Variants in DLGAP2 observed in about 807,000 individuals in gnomAD.
DLGAP2 encodes DLG associated protein 2, also known as disks large-associated protein 2.
Under a neutral mutation model 100.3 loss-of-function variants are expected in DLGAP2, and 26 were observed. The ratio of observed to expected loss-of-function variants is 0.26; its 90% confidence interval spans 0.19 to 0.36. The LOEUF (loss-of-function observed/expected upper bound fraction) is 0.36, where lower values mean the gene tolerates loss of function less well. Among genes scored for constraint, DLGAP2 ranks in the 10% least tolerant of loss-of-function variants. The pLI, the probability that DLGAP2 is intolerant of heterozygous loss-of-function variation, is 1.00. For missense variants in DLGAP2, 1,858 were observed against 1,453.2 expected (o/e 1.28, Z -4.53); for synonymous variants, 886 against 630.1 (o/e 1.41, Z -6.08).
intron 3 of DLGAP2, among the ~76,000 whole-genome samples, chr8:1,340,999 G>A (rs1801404282): frequency 6.6e-6 from 1 of 152,140 alleles, no homozygotes; most frequent in Non-Finnish European, 1.5e-5. Context: ...ACCAAATACT[G>A]CATGTTCTCA....
chr8:758,832 A>T (rs1320486322), intron 1 of DLGAP2, among the ~76,000 whole-genome samples: 8 of 152,072 alleles, frequency 5.3e-5, no homozygotes, highest in African/African-American at 1.7e-4. Flanking sequence ...AAGTGCTGAG[A>T]TTACAGATGT....
chr8:1,684,722 T>G (rs1799067659), intron 12 of DLGAP2, among the ~76,000 whole-genome samples: 1 of 130,748 alleles, frequency 7.6e-6, no homozygotes, highest in Non-Finnish European at 1.6e-5. Context: ...TAGTAATGTT[T>G]TAAGATTTTT....
In DLGAP2 at chr8:1,670,297, C is replaced by T. The variant is rs561007194; in HGVS notation, c.2202+513C>T. On this transcript the variant is annotated intron_variant, in intron 10 of 14. Coordinates refer to ENST00000637795, the MANE Select transcript of DLGAP2 (RefSeq NM_001346810.2). ...TAAGTCAGCACGCTCGGCACAGTGC[C>T]GCCGCTTCCTGCCCCGCCCACAGCC... Among the ~76,000 whole-genome samples, 6 of 152,338 alleles carry T rather than the reference C, an allele frequency of 3.9e-5. No homozygotes were observed. In the South Asian group the frequency reaches 8.3e-4, roughly 21 times the overall value.
chr8:1,408,741 G>T, intron 3 of DLGAP2, among the ~76,000 whole-genome samples: 1 of 152,252 alleles, frequency 6.6e-6, no homozygotes, highest in Non-Finnish European at 1.5e-5. Context: ...AGCAGAACCC[G>T]GGAAAGCCAG....
At chr8:1,073,496 G>C (rs948135795) in intron 2 of DLGAP2, among the ~76,000 whole-genome samples, 1 of 152,134 alleles carries the variant, frequency 6.6e-6, no homozygotes, top group Non-Finnish European at 1.5e-5. Context: ...CCTGAGCTCA[G>C]AATTTAAAAG....
At chr8:1,690,114 G>A (rs916592927) in intron 12 of DLGAP2, among the ~76,000 whole-genome samples, 14 of 151,360 alleles carry the variant, frequency 9.2e-5, no homozygotes, top group African/African-American at 2.9e-4. Flanking sequence ...CCTTGGCCTT[G>A]GGAGGCCAAG....
chr8:1,328,060 G>A (rs1801062664), intron 3 of DLGAP2, among the ~76,000 whole-genome samples: 1 of 151,704 alleles, frequency 6.6e-6, no homozygotes, highest in Non-Finnish European at 1.5e-5. Flanking sequence ...TTTTTTTGGA[G>A]ACAGAGTCTC....
At chr8:1,586,695 C>G (rs542681412) in intron 6 of DLGAP2, among the ~76,000 whole-genome samples, 7 of 152,212 alleles carry the variant, frequency 4.6e-5, no homozygotes, top group African/African-American at 1.7e-4. Context: ...GTGGCGGACT[C>G]TAGGCCCAGA....
chr8:755,606 C>T lies in DLGAP2; in HGVS notation c.18+17781C>T, dbSNP rs34587862. On this transcript the variant is annotated intron_variant, in intron 1 of 14. Coordinates refer to ENST00000637795, the MANE Select transcript of DLGAP2 (RefSeq NM_001346810.2). ...GTGAGGTCTGGTGCGTGAGTAGGAA[C>T]GAGGGGCAGGTGGGGGTGAATGTAT... Among the ~76,000 whole-genome samples, 732 of 152,188 alleles carry T rather than the reference C, an allele frequency of 4.8e-3. 3 individuals are homozygous for T. Among genetic ancestry groups the T allele is most frequent in the Non-Finnish European group, 8.2e-3 (555 of 68,012 alleles).
intron 2 of DLGAP2, among the ~76,000 whole-genome samples, chr8:966,605 C>A (rs923544965): frequency 3.9e-5 from 6 of 152,120 alleles, no homozygotes; most frequent in Non-Finnish European, 8.8e-5. Flanking sequence ...TTAGTTTATG[C>A]TATGCACACT....
intron 2 of DLGAP2, among the ~76,000 whole-genome samples, chr8:994,101 AG>A (rs1800715048): frequency 6.6e-6 from 1 of 152,234 alleles, no homozygotes; most frequent in Non-Finnish European, 1.5e-5. Context: ...TTTTCGTATT[AG>A]AAATCGCCAC....
At chr8:1,433,544 A>G (rs1352382324) in intron 3 of DLGAP2, among the ~76,000 whole-genome samples, 1 of 152,192 alleles carries the variant, frequency 6.6e-6, no homozygotes, top group Non-Finnish European at 1.5e-5. Context: ...TAGGTCCTCG[A>G]GCTGGATGAC....
Position 1,110,927 on chromosome 8 carries a change from G to A in DLGAP2, c.74-147924G>A, listed in dbSNP as rs71516153. ...TGGATGGTGCTTTTGGGGGTTTGGG[G>A]TCAGGGAGTGTGAGGGTTGGTTCCT... is the stretch of plus-strand genomic sequence containing the variant. On this transcript the variant is annotated intron_variant, in intron 2 of 14. Coordinates refer to ENST00000637795, the MANE Select transcript of DLGAP2 (RefSeq NM_001346810.2). Among the ~76,000 whole-genome samples, 1,330 of 152,124 alleles carry A rather than the reference G, an allele frequency of 8.7e-3. 15 individuals carry two copies. The highest frequency in any genetic ancestry group is 0.01 in the Middle Eastern group (3 of 292).
At chr8:1,183,818 C>T (rs1343289098) in intron 2 of DLGAP2, among the ~76,000 whole-genome samples, 1 of 152,220 alleles carries the variant, frequency 6.6e-6, no homozygotes, top group Non-Finnish European at 1.5e-5. Flanking sequence ...CCTTTGCAAG[C>T]CTTCAGGCAG....
intron 2 of DLGAP2, among the ~76,000 whole-genome samples, chr8:1,167,964 C>T (rs1007082833): frequency 5.3e-5 from 8 of 151,776 alleles, no homozygotes; most frequent in Non-Finnish European, 1.0e-4. Flanking sequence ...ATGTGCCATG[C>T]TGGTGTGCTG....
intron 6 of DLGAP2, among the ~76,000 whole-genome samples, chr8:1,622,856 G>A (rs1015062313): frequency 9.2e-5 from 14 of 152,202 alleles, no homozygotes; most frequent in African/African-American, 3.1e-4. Context: ...GCCCCGGGAT[G>A]TAGGAGGGGG....
intron 3 of DLGAP2, among the ~76,000 whole-genome samples, chr8:1,370,552 A>G (rs1186501606): frequency 6.6e-6 from 1 of 152,268 alleles, no homozygotes; most frequent in Non-Finnish European, 1.5e-5. Context: ...TGCTTAAAAT[A>G]AAATGCTGAA....
At chr8:812,652 TA>T (rs1380326250) in intron 1 of DLGAP2, among the ~76,000 whole-genome samples, 6 of 152,198 alleles carry the variant, frequency 3.9e-5, no homozygotes, top group African/African-American at 1.4e-4. Context: ...ACTAATCAAA[TA>T]GATGAAATTA....
intron 2 of DLGAP2, among the ~76,000 whole-genome samples, chr8:1,042,742 GGGTCGTGGATGTA>G (rs1353809207): frequency 0.014 from 1,873 of 138,338 alleles, 168 homozygotes; most frequent in East Asian, 0.059. Flanking sequence ...TGGTGGATGT[GGGTCGTGGATGTA>G]GGTGGTGGAT....
Sources: gnomAD v4.1 joint callset for allele counts (sites outside exome capture counted in the v4.1 genomes callset) on GRCh38, gnomAD v4.1.1 for gene constraint, MANE v1.5 for transcripts, NCBI Gene and HGNC (gene_info 2026-07-23, HGNC 2026-07-21) for gene names.